Variants in GUCA1C observed in about 807,000 individuals in gnomAD.
GUCA1C encodes the protein guanylyl cyclase-activating protein 3.
Under a neutral mutation model 16.2 loss-of-function variants are expected in GUCA1C, and 15 were observed. The ratio of observed to expected loss-of-function variants is 0.93; its 90% CI spans 0.62 to 1.43. The LOEUF is 1.43. Among genes scored for constraint, GUCA1C ranks in the 40% most tolerant of loss-of-function variants. GUCA1C has a pLI of 0.00. For missense variants in GUCA1C, 275 were observed against 244.8 expected, an observed-to-expected ratio of 1.12 and a Z score of -0.82; for synonymous variants, 78 against 85.4, an observed-to-expected ratio of 0.91 and a Z score of 0.48.
intron 1 of GUCA1C, among the ~76,000 whole-genome samples, chr3:108,922,160 A>AACAC (rs56788372): frequency 9.9e-3 from 517 of 52,088 alleles, no homozygotes; most frequent in African/African-American, 0.021. Context: ...CACATACACA[A>AACAC]ACACACACAC....
At chr3:108,920,722 C>T (rs1946562241) in intron 1 of GUCA1C, 137 bp from the exon 2 acceptor site, 7 of 565,368 alleles carry the variant, frequency 1.2e-5, no homozygotes, top group South Asian at 1.1e-4. Flanking sequence ...AAACTTTTCC[C>T]TAGTGTTTCA....
intron 3 of GUCA1C, among the ~76,000 whole-genome samples, chr3:108,911,363 T>C (rs753373963): frequency 1.6e-4 from 25 of 152,236 alleles, no homozygotes; most frequent in Non-Finnish European, 3.2e-4. Context: ...GAAGTCATCC[T>C]GGTTTTAAAA....
intron 1 of GUCA1C, among the ~76,000 whole-genome samples, chr3:108,951,703 T>C (rs184115346): frequency 4.9e-4 from 74 of 152,344 alleles, no homozygotes; most frequent in Non-Finnish European, 2.2e-4. Context: ...CATTACTGCT[T>C]AGGCTCACTT....
At chr3:108,949,186 T>C (rs1946873550) in intron 1 of GUCA1C, among the ~76,000 whole-genome samples, 1 of 152,164 alleles carries the variant, frequency 6.6e-6, no homozygotes, top group Non-Finnish European at 1.5e-5. Context: ...CTATTTTCTC[T>C]GGCCCCTTTT....
chr3:108,923,016 G>A (rs76889832), intron 1 of GUCA1C, among the ~76,000 whole-genome samples: 2 of 152,078 alleles, frequency 1.3e-5, no homozygotes, highest in African/African-American at 2.4e-5. Context: ...CTTTTTGGTG[G>A]GTTTGTTTGG....
chr3:108,917,279 C>T (rs895604161), intron 2 of GUCA1C, among the ~76,000 whole-genome samples: 12 of 152,042 alleles, frequency 7.9e-5, no homozygotes, highest in African/African-American at 1.2e-4. Flanking sequence ...TGATATTAGC[C>T]CACATAAAAA....
At chr3:108,955,006 A>T (rs1248228762), upstream of GUCA1C, among the ~76,000 whole-genome samples, 5 of 152,264 alleles carry the variant, frequency 3.3e-5, no homozygotes, top group East Asian at 9.7e-4. Flanking sequence ...TGCTGGGATT[A>T]CAGGCACAAG....
At chr3:108,953,492 A>G in intron 1 of GUCA1C, 67 bp downstream of exon 1, 35 of 1,077,866 alleles carry the variant, frequency 3.2e-5, no homozygotes, top group Admixed American at 8.4e-5. Context: ...TTACAGGAAA[A>G]AAAAAAAAAA....
At chr3:108,921,616 T>G (rs976901667) in intron 1 of GUCA1C, among the ~76,000 whole-genome samples, 1 of 152,238 alleles carries the variant, frequency 6.6e-6, no homozygotes. Flanking sequence ...TTTAGTGTTC[T>G]GGATTTTGGC....
intron 1 of GUCA1C, among the ~76,000 whole-genome samples, chr3:108,945,979 C>T (rs76379822): frequency 2.6e-5 from 4 of 152,268 alleles, no homozygotes; most frequent in Middle Eastern, 3.4e-3. Context: ...TTGGCCACCG[C>T]GCGAGTATTT....
intron 1 of GUCA1C, among the ~76,000 whole-genome samples, chr3:108,925,729 C>T (rs1166209597): frequency 1.3e-5 from 2 of 152,098 alleles, no homozygotes; most frequent in African/African-American, 2.4e-5. Context: ...GTATTAAAGT[C>T]CTCCGCTATT....
chr3:108,924,754 T>G (rs1396274800), intron 1 of GUCA1C, among the ~76,000 whole-genome samples: 1 of 152,004 alleles, frequency 6.6e-6, no homozygotes, highest in Non-Finnish European at 1.5e-5. Context: ...AATTCAGCTG[T>G]GAATCCTGGA....
chr3:108,941,864 C>A (rs945253704), intron 1 of GUCA1C, among the ~76,000 whole-genome samples: 2 of 152,284 alleles, frequency 1.3e-5, no homozygotes, highest in Middle Eastern at 3.4e-3. Context: ...GTAGTCCTGA[C>A]GACTGTTTGG....
rs71629371 is a variant in GUCA1C, at chr3:108,934,808, C to CTTTTTTTTTTTTTTTT, written c.205-14239_205-14224dup. 2.0e-4 allele frequency among the ~76,000 whole-genome samples: 17 copies of CTTTTTTTTTTTTTTTT among 86,108 alleles called. 2 individuals carry two copies. The highest frequency in any genetic ancestry group is 5.0e-4 in the South Asian group (1 of 2,000). 56.5% of individuals were successfully genotyped at this position (86,108 alleles called of 152,430 possible). A position where few individuals can be genotyped will look rare whatever the true frequency, so the allele number is the denominator to read the frequency against. On this transcript the variant is annotated intron_variant, in intron 1 of 3. Transcript: ENST00000261047. Reference sequence around the variant, plus strand: ...ACATATTCTCACTTATGTTCTTGATCTTTTTTTTTTTTTTTTTTTTTTTGA... The same window carrying CTTTTTTTTTTTTTTTT: ...ACATATTCTCACTTATGTTCTTGATCTTTTTTTTTTTTTTTTTTTTTTTTTTTTTTTTTTTTTTTGA...
At position 108,953,834 on chromosome 3, in the gene GUCA1C, C is replaced by A. The variant is rs1420400397; in HGVS notation, c.-72G>T. The A allele has an allele frequency of 2.9e-6, 3 of 1,035,158 alleles. No individual in the cohort carries two copies. The highest frequency in any genetic ancestry group is 3.1e-5 in the African/African-American group (2 of 63,622). The allele number at this position is 1,035,158 out of a possible 1,614,324, so 64.1% of individuals were successfully genotyped here. On this transcript the variant is annotated 5_prime_UTR_variant, in exon 1 of 4. The change creates a premature stop within an existing upstream ORF in the 5' untranslated region. Coordinates refer to ENST00000261047, the MANE Select transcript of GUCA1C (RefSeq NM_005459.4). The stretch of plus-strand genomic sequence containing the variant: ...TTTTTGCTGGATTTAGTCCCTTACT[C>A]CTCACTAAAACTGAAGGCTAACATA...
At chr3:108,955,095 T>C (rs953602474), upstream of GUCA1C, among the ~76,000 whole-genome samples, 5 of 152,176 alleles carry the variant, frequency 3.3e-5, no homozygotes, top group African/African-American at 1.2e-4. Context: ...CCAGCTCATA[T>C]ATCTGGTCTC....
Position 108,953,799 on chromosome 3 carries a change from T to G in GUCA1C, c.-37A>C. 1 of 1,493,236 alleles carries G rather than the reference T, an allele frequency of 6.7e-7. No individual in the cohort carries two copies. Among genetic ancestry groups the G allele is most frequent in the Non-Finnish European group, 9.3e-7 (1 of 1,070,584 alleles). 92.5% of individuals were successfully genotyped at this position (1,493,236 alleles called of 1,614,324 possible). A position where few individuals can be genotyped will look rare whatever the true frequency, so the allele number is the denominator to read the frequency against. ...GTCTACAGCTTTTCCTCAGGTTGTT[T>G]TCACTTAAGTTTTTGCTGGATTTAG... On this transcript the variant is annotated 5_prime_UTR_variant, in exon 1 of 4. Transcript: ENST00000261047.
At chr3:108,944,654 T>C (rs991217251) in intron 1 of GUCA1C, among the ~76,000 whole-genome samples, 16 of 152,332 alleles carry the variant, frequency 1.1e-4, no homozygotes, top group Admixed American at 7.8e-4. Flanking sequence ...GTGTCTCATT[T>C]GCTGGCTCTG....
At chr3:108,936,818 C>A (rs1332610809) in intron 1 of GUCA1C, among the ~76,000 whole-genome samples, 3 of 152,274 alleles carry the variant, frequency 2.0e-5, no homozygotes, top group Admixed American at 1.3e-4. Context: ...GGCCTGGGTA[C>A]AATAATCTGC....
Sources: gnomAD v4.1 joint callset for allele counts (sites outside exome capture counted in the v4.1 genomes callset) on GRCh38, gnomAD v4.1.1 for gene constraint, MANE v1.5 for transcripts, NCBI Gene and HGNC (gene_info 2026-07-23, HGNC 2026-07-21) for gene names.